The following RNF135 variants were observed in gnomAD, a reference collection of about 807,000 sequenced individuals.
The protein encoded by RNF135 is ring finger protein 135.
RNF135 carries 46 observed loss-of-function variants against 41.9 expected under a neutral mutation model. The observed-to-expected ratio is 1.10, with a 90% CI of 0.87 to 1.40. The LOEUF (loss-of-function observed/expected upper bound fraction) is 1.40. Among genes scored for constraint, RNF135 ranks in the 40% most tolerant of loss-of-function variants. The probability of loss-of-function intolerance (pLI) is 0.00; values close to 1 mark genes in which losing one functional copy is unlikely to be tolerated. For missense variants in RNF135, 539 were observed against 549.8 expected, an observed-to-expected ratio of 0.98 and a Z score of 0.20; for synonymous variants, 238 against 223.8, an observed-to-expected ratio of 1.06 and a Z score of -0.57.
chr17:30,980,001 C>T (rs1414415391), intron 1 of RNF135, among the ~76,000 whole-genome samples: 1 of 120,668 alleles, frequency 8.3e-6, no homozygotes, highest in Non-Finnish European at 1.7e-5. Context: ...CCTCCCACCT[C>T]CCTCCCGGAC....
At chr17:30,995,370 A>G (rs1401092447) in intron 3 of RNF135, among the ~76,000 whole-genome samples, 1 of 151,864 alleles carries the variant, frequency 6.6e-6, no homozygotes, top group Non-Finnish European at 1.5e-5. Context: ...CCTGGGCGAC[A>G]GAGCGAGACT....
At chr17:30,988,924 CTTTTTTTTTTT>C (rs572603845) in intron 3 of RNF135, among the ~76,000 whole-genome samples, 3 of 99,932 alleles carry the variant, frequency 3.0e-5, no homozygotes, top group East Asian at 3.0e-4. Flanking sequence ...TTCTTTCTTT[CTTTTTTTTTTT>C]TTTTTTTTTA....
intron 3 of RNF135, among the ~76,000 whole-genome samples, chr17:30,988,720 C>G (rs1598096426): frequency 6.7e-6 from 1 of 149,962 alleles, no homozygotes; most frequent in African/African-American, 2.4e-5. Flanking sequence ...GCCACCGTGC[C>G]TGGCCTTAAA....
chr17:30,966,136 A>G (rs1167372024), upstream of RNF135, among the ~76,000 whole-genome samples: 5 of 152,124 alleles, frequency 3.3e-5, no homozygotes, highest in Non-Finnish European at 7.3e-5. Flanking sequence ...GAATAAGGAA[A>G]GGATTAGTTT....
chr17:30,978,177 C>T (rs990998393), intron 1 of RNF135, among the ~76,000 whole-genome samples: 8 of 152,034 alleles, frequency 5.3e-5, no homozygotes, highest in African/African-American at 1.9e-4. Context: ...TAACCTTAAC[C>T]TTTGGGAGTT....
In RNF135 at chr17:30,973,715, C is replaced by T. The variant is rs184838851; in HGVS notation, c.372+2270C>T. On this transcript the variant is annotated intron_variant, in intron 1 of 4. Transcript: ENST00000328381. ...TGCTGACCTCAAGTGATCTGCCTACCTTGGCCTCCCAAAGTGTTGGGATTA... is the reference window on the plus strand; with the variant it reads ...TGCTGACCTCAAGTGATCTGCCTACTTTGGCCTCCCAAAGTGTTGGGATTA... 1.3e-3 allele frequency among the ~76,000 whole-genome samples: 202 copies of T among 152,316 alleles called. 1 individual carries two copies. Among genetic ancestry groups the T allele is most frequent in the Non-Finnish European group, 2.5e-3 (167 of 68,030 alleles).
At chr17:30,988,676 T>G (rs1454136833) in intron 3 of RNF135, among the ~76,000 whole-genome samples, 2 of 151,714 alleles carry the variant, frequency 1.3e-5, no homozygotes, top group African/African-American at 4.8e-5. Flanking sequence ...TCTGCCCGCC[T>G]TGGCCTCCCA....
intron 1 of RNF135, among the ~76,000 whole-genome samples, chr17:30,979,687 C>A (rs1178382395): frequency 8.6e-6 from 1 of 116,636 alleles, no homozygotes; most frequent in Admixed American, 7.9e-5. Context: ...CCCTCCCGGA[C>A]GGGGCGGCTG....
chr17:30,964,563 C>A, the RNF135 span, among the ~76,000 whole-genome samples: 4 of 151,946 alleles, frequency 2.6e-5, no homozygotes, highest in African/African-American at 9.7e-5. Flanking sequence ...AAGATTGCGC[C>A]AGTGCACTCC....
chr17:30,969,927 G>GCTTTT (rs1555571716), upstream of RNF135, among the ~76,000 whole-genome samples: 7 of 152,014 alleles, frequency 4.6e-5, no homozygotes, highest in East Asian at 3.9e-4. Flanking sequence ...AGGGCGCCTG[G>GCTTTT]CTTTTCTTTT....
At chr17:30,975,353 C>T (rs1356587041) in intron 1 of RNF135, 21 of 728,880 alleles carry the variant, frequency 2.9e-5, no homozygotes, top group South Asian at 2.8e-4. Flanking sequence ...CTTATGCCTG[C>T]ACCTGAGCCC....
At chr17:30,966,304 G>A (rs1467897302), upstream of RNF135, among the ~76,000 whole-genome samples, 2 of 151,664 alleles carry the variant, frequency 1.3e-5, no homozygotes, top group Non-Finnish European at 2.9e-5. Flanking sequence ...CCCAGAAAAT[G>A]AGAAAGTGAA....
upstream of RNF135, among the ~76,000 whole-genome samples, chr17:30,969,764 T>TTTC (rs1567733682): frequency 7.2e-6 from 1 of 138,806 alleles, no homozygotes; most frequent in African/African-American, 2.6e-5. Context: ...TTTTTCTTTT[T>TTTC]TTTTTTTTTT....
At chr17:30,976,867 T>C (rs1164219458) in intron 1 of RNF135, among the ~76,000 whole-genome samples, 2 of 152,192 alleles carry the variant, frequency 1.3e-5, no homozygotes, top group South Asian at 2.1e-4. Flanking sequence ...GAATAGATCA[T>C]TGGGTCTTGT....
chr17:30,998,548 G>A, intron 4 of RNF135, 114 bp from the exon 5 acceptor site: 2 of 1,004,630 alleles, frequency 2.0e-6, no homozygotes, highest in Non-Finnish European at 3.1e-6. Flanking sequence ...TTTAATGCTA[G>A]TGTGAGTGAA....
chr17:30,964,163 G>A, the RNF135 span, among the ~76,000 whole-genome samples: 1 of 152,008 alleles, frequency 6.6e-6, no homozygotes, highest in Non-Finnish European at 1.5e-5. Flanking sequence ...TGAGGCAGGC[G>A]GATCACCTGA....
At chr17:30,973,410 A>G (rs916907801) in intron 1 of RNF135, 1 of 150,044 alleles carries the variant, frequency 6.7e-6, no homozygotes, top group African/African-American at 2.4e-5. Context: ...CTGTTGTCAT[A>G]TTTACAAATC....
upstream of RNF135, among the ~76,000 whole-genome samples, chr17:30,969,943 CTTTTT>C (rs1245568918): frequency 6.6e-6 from 1 of 151,662 alleles, no homozygotes; most frequent in Non-Finnish European, 1.5e-5. Context: ...CTTTTCTTTT[CTTTTT>C]GTATTTTCAG....
chr17:30,972,693 T>C (rs1906098637), intron 1 of RNF135: 1 of 152,286 alleles, frequency 6.6e-6, no homozygotes, highest in African/African-American at 2.4e-5. Flanking sequence ...GTTTTCAAAG[T>C]TCATTCATGT....
Sources: gnomAD v4.1 joint callset for allele counts (sites outside exome capture counted in the v4.1 genomes callset) on GRCh38, gnomAD v4.1.1 for gene constraint, MANE v1.5 for transcripts, NCBI Gene and HGNC (gene_info 2026-07-23, HGNC 2026-07-21) for gene names.